AGAP2: variants seen among roughly 807,000 people sequenced by gnomAD.
The protein encoded by AGAP2 is arf-GAP with GTPase, ANK repeat and PH domain-containing protein 2.
A neutral mutation model predicts 110.9 loss-of-function variants in AGAP2; 32 were observed. The observed-to-expected ratio is 0.29, with a 90% CI of 0.22 to 0.39. The LOEUF (loss-of-function observed/expected upper bound fraction) is 0.39. AGAP2 is among the 10% of genes least tolerant of loss of function. AGAP2 has a pLI of 1.00. For missense variants in AGAP2, 1,285 were observed against 1,638.5 expected, an observed-to-expected ratio of 0.78 and a Z score of 3.72; for synonymous variants, 702 against 713.0, an observed-to-expected ratio of 0.98 and a Z score of 0.25.
rs1954803942 is a variant in AGAP2, at chr12:57,727,881, G to A, written c.2766+56C>T. ...TTCGGCCGTGTCGTTGCCAATGGCC[G>A]TCAGCACCAGGGTCAGTTCCTGCGG... On this transcript the variant is annotated intron_variant, in intron 15 of 18. Transcript: ENST00000547588. The A allele has an allele frequency of 3.7e-6, 6 of 1,608,048 alleles. No homozygotes were observed. In the South Asian group the frequency reaches 5.5e-5, roughly 15 times the overall value.
Position 57,737,070 on chromosome 12 carries a change from T to G in AGAP2, c.1168+9A>C. 1 of 1,508,862 alleles carries G rather than the reference T, an allele frequency of 6.6e-7. No homozygotes were observed. The allele number at this position is 1,508,862 out of a possible 1,614,324, so 93.5% of individuals were successfully genotyped here. ...TCCCTCCCTGTTCTCAAGCCCTGACTCAACTCACTAGGGGAAGCGCGGAGC... is the reference window on the plus strand; with the variant it reads ...TCCCTCCCTGTTCTCAAGCCCTGACGCAACTCACTAGGGGAAGCGCGGAGC... On this transcript the variant is annotated intron_variant, in intron 1 of 18. Coordinates refer to ENST00000547588, the MANE Select transcript of AGAP2 (RefSeq NM_001122772.3). This position sits in a 1 kb window ranked among gnomAD's most constrained non-coding sequence, Gnocchi z 5.9.
rs1954875202 is a variant in AGAP2 at position 57,730,994 on chromosome 12, T to C, written c.2146-41A>G. 1.2e-5 allele frequency: 17 copies of C among 1,470,702 alleles called. 1 individual carries two copies. The highest frequency in any genetic ancestry group is 3.6e-4 in the Middle Eastern group (2 of 5,624). The allele number at this position is 1,470,702 out of a possible 1,614,324, so 91.1% of individuals were successfully genotyped here. A position where few individuals can be genotyped will look rare whatever the true frequency, so the allele number is the denominator to read the frequency against. On this transcript the variant is annotated intron_variant, in intron 10 of 18. Transcript: ENST00000547588. ...GCCGAGAGTGTAGGGAAGGTTGGGG[T>C]CCTTGGTATGCTGGGAAGCAGTCAA...
chr12:57,730,791 C>T lies in AGAP2; in HGVS notation c.2308G>A (p.Glu770Lys), dbSNP rs1239507870. 1 of 1,613,912 alleles carries T rather than the reference C, an allele frequency of 6.2e-7. No individual in the cohort carries two copies. Among genetic ancestry groups the T allele is most frequent in the South Asian group, 1.1e-5 (1 of 91,080 alleles). Reference sequence around the variant, plus strand: ...CTCCTATGTCATAAACCTTACTCACCCAGGCCTTCACCCATCTGGACAGTG... The same window carrying T: ...CTCCTATGTCATAAACCTTACTCACTCAGGCCTTCACCCATCTGGACAGTG... ...MSTVQMGEGL[E>K]ATTPMPSPSP... The change falls in exon 11 of 19, where the codon GAA (glutamate) becomes AAA (lysine). Residue 770 changes from glutamate (E) to lysine (K), a missense_variant and splice_region_variant. Glu to Lys is a moderately conservative substitution (Grantham distance 56). This residue lies in a region of AGAP2 where 135 missense variants were observed against 182.0 expected (regional missense o/e 0.74). Transcript: ENST00000547588.
upstream of AGAP2, chr12:57,742,053 A>T (rs138334762): frequency 3.4e-4 from 548 of 1,614,072 alleles, 1 homozygote; most frequent in African/African-American, 6.6e-3. Flanking sequence ...GCTACAACGA[A>T]CTGCCTCTGG....
chr12:57,726,568 G>A lies in AGAP2; in HGVS notation c.3563C>T (p.Pro1188Leu), dbSNP rs1595079010. Residue 1188 changes from proline to leucine, a missense_variant, in exon 19 of 19, where the codon CCG becomes CTG. Physicochemically the swap from Pro to Leu is moderately conservative, Grantham distance 98. Around this residue, in one of 7 missense-constraint regions of AGAP2, gnomAD observed 201 missense variants for 276.1 expected, o/e 0.73. Transcript: ENST00000547588. This position sits in a 1 kb window ranked among gnomAD's most constrained non-coding sequence, Gnocchi z 5.7. ...SAASVGRADA[P>L]VALV The stretch of plus-strand genomic sequence containing the variant: ...GCTGGGCAACTATACCAGCGCAACC[G>A]GGGCGTCGGCGCGGCCCACGCTAGC... 3 of 1,209,816 alleles carry A rather than the reference G, an allele frequency of 2.5e-6. No individual in the cohort carries two copies. The highest frequency in any genetic ancestry group is 3.5e-5 in the East Asian group (1 of 28,832). 74.9% of individuals were successfully genotyped at this position (1,209,816 alleles called of 1,614,324 possible).
chr12:57,729,613 A>T, intron 13 of AGAP2, 26 bp downstream of exon 13: 1 of 1,603,414 alleles, frequency 6.2e-7, no homozygotes, highest in Non-Finnish European at 8.5e-7. Context: ...TCTGGGTGGG[A>T]GTGGAAGTGC....
chr12:57,734,290 A>T, intron 4 of AGAP2, 29 bp downstream of exon 4: 2 of 1,613,912 alleles, frequency 1.2e-6, no homozygotes, highest in Non-Finnish European at 1.7e-6. Flanking sequence ...GACCCCAGCC[A>T]GCCTGTCCCC....
intron 11 of AGAP2, 24 bp from the exon 12 acceptor site, chr12:57,730,638 A>C: frequency 1.2e-6 from 2 of 1,609,630 alleles, no homozygotes; most frequent in Non-Finnish European, 1.7e-6. Context: ...ATGAAACCTC[A>C]GTGAGCCTCT....
chr12:57,738,076 G>C lies in AGAP2; in HGVS notation c.171C>G (p.Gly57=). 1.3e-6 allele frequency: 2 copies of C among 1,524,344 alleles called. No homozygotes were observed. Among genetic ancestry groups the C allele is most frequent in the South Asian group, 2.4e-5 (2 of 83,526 alleles). The allele number at this position is 1,524,344 out of a possible 1,614,324, so 94.4% of individuals were successfully genotyped here. A position where few individuals can be genotyped will look rare whatever the true frequency, so the allele number is the denominator to read the frequency against. ...GCCGCTTCTTGCCCGGCTCCTCCGC[G>C]CCTCGGGGGCTGCCAGGATCCCCAG... ...SETGDPGSPR[G]AEEPGKKRHE... The change falls in exon 1 of 19, where the codon GGC becomes GGG. Residue 57 remains glycine (G), a synonymous_variant. Transcript: ENST00000547588. The surrounding 1 kb of genome is among the most constrained non-coding windows in gnomAD (Gnocchi z 6.7).
chr12:57,734,136 C>G lies in AGAP2; in HGVS notation c.1439G>C (p.Ser480Thr). The change falls in exon 5 of 19, where the codon AGC becomes ACC. Residue 480 changes from serine to threonine, a missense_variant. Physicochemically the swap from Ser to Thr is moderately conservative, Grantham distance 58 (BLOSUM62 1). Coordinates refer to ENST00000547588, the MANE Select transcript of AGAP2 (RefSeq NM_001122772.3). ...CTGGAAACTGTTCTCATCCTCCAGG[C>G]TGAAGACGAAGATCACAGCATCTGC... ...GWADAVIFVF[S>T]LEDENSFQAV... 5 of 1,613,086 alleles carry G rather than the reference C, an allele frequency of 3.1e-6. No individual in the cohort carries two copies. The highest frequency in any genetic ancestry group is 4.2e-6 in the Non-Finnish European group (5 of 1,179,398).
chr12:57,731,475 AG>A lies in AGAP2; in HGVS notation c.2041-6del, dbSNP rs1954883038. 1.9e-6 allele frequency: 3 copies of A among 1,614,072 alleles called. No homozygotes were observed. Among genetic ancestry groups the A allele is most frequent in the Non-Finnish European group, 2.5e-6 (3 of 1,179,970 alleles). ...ACTTCGTTTTAGTAGGAAGCTCTGG[AG>A]AAAGGGGAAAGACACATGTGGGAAA... On this transcript the variant is annotated splice_region_variant and splice_polypyrimidine_tract_variant and intron_variant, in intron 9 of 18. Transcript: ENST00000547588.
chr12:57,730,665 C>T (rs2140357904), intron 11 of AGAP2, 51 bp from the exon 12 acceptor site: 2 of 1,606,236 alleles, frequency 1.2e-6, no homozygotes, highest in Non-Finnish European at 1.7e-6. Flanking sequence ...TGGCCCCATT[C>T]CTTATGTGGT....
chr12:57,734,506 CT>C (rs1162310341), intron 3 of AGAP2, 85 bp downstream of exon 3: 23 of 1,587,278 alleles, frequency 1.4e-5, no homozygotes, highest in South Asian at 8.8e-5. Context: ...TCCTTCCCCC[CT>C]GGTCTCCACA....
Position 57,732,849 on chromosome 12 carries a change from C to T in AGAP2, c.1680G>A (p.Gln560=). The T allele has an allele frequency of 4.3e-6, 7 of 1,613,950 alleles. No individual in the cohort carries two copies. The highest frequency in any genetic ancestry group is 5.1e-6 in the Non-Finnish European group (6 of 1,179,990). The change falls in exon 6 of 19, where the codon CAG becomes CAA. Residue 560 remains glutamine, a synonymous_variant. Coordinates refer to ENST00000547588, the MANE Select transcript of AGAP2 (RefSeq NM_001122772.3). ...GCTGGAGATCACTACACTCACCCTC[C>T]TGGAAGACCCGATCCACATTGAGCC... is the stretch of plus-strand genomic sequence containing the variant. ...TYGLNVDRVF[Q]EVAQKVVTLR... is the part of the protein sequence containing the mutation.
At position 57,737,843 on chromosome 12, in the gene AGAP2, C is replaced by T; in HGVS notation, c.404G>A (p.Gly135Asp). 2 of 1,469,580 alleles carry T rather than the reference C, an allele frequency of 1.4e-6. No homozygotes were observed. The highest frequency in any genetic ancestry group is 1.4e-5 in the South Asian group (1 of 73,760). 91.0% of individuals were successfully genotyped at this position (1,469,580 alleles called of 1,614,324 possible). Residue 135 changes from glycine to aspartate, a missense_variant, in exon 1 of 19, where the codon GGC (glycine) becomes GAC (aspartate). Gly to Asp is a moderately conservative substitution (Grantham distance 94, BLOSUM62 -1). Coordinates refer to ENST00000547588, the MANE Select transcript of AGAP2 (RefSeq NM_001122772.3). This position sits in a 1 kb window ranked among gnomAD's most constrained non-coding sequence, Gnocchi z 5.9. ...GGGGCGCCGGGAGGAGGTGGGGGCG[C>T]CCCCAGGCTTGGGGTCGGGGCTCAG... is the stretch of plus-strand genomic sequence containing the variant. ...GGLSPDPKPG[G>D]APTSSRRPLL...
intron 1 of AGAP2, among the ~76,000 whole-genome samples, chr12:57,735,816 C>A (rs796700931): frequency 6.6e-6 from 1 of 152,300 alleles, no homozygotes; most frequent in African/African-American, 2.4e-5. Flanking sequence ...CCAGGGCAGA[C>A]CCTGGGAGGA....
Position 57,731,844 on chromosome 12 carries a change from G to T in AGAP2, c.1918C>A (p.His640Asn). 6.3e-7 allele frequency: 1 copy of T among 1,597,724 alleles called. No homozygotes were observed. Among genetic ancestry groups the T allele is most frequent in the Non-Finnish European group, 8.5e-7 (1 of 1,172,448 alleles). ...CTGGTCCTGCGCTTGGCTGCCCGGT[G>T]CAGGGACCCTGGGGTGCTCAATCCA... ...VAGLSTPGSLHRAAKRRTSLF... is the reference protein window; with the variant it reads ...VAGLSTPGSLNRAAKRRTSLF... Residue 640 changes from histidine (H) to asparagine (N), a missense_variant, in exon 8 of 19, where the codon CAC becomes AAC. His to Asn is a moderately conservative substitution (Grantham distance 68). Coordinates refer to ENST00000547588, the MANE Select transcript of AGAP2 (RefSeq NM_001122772.3).
At position 57,733,553 on chromosome 12, in the gene AGAP2, G is replaced by A. The variant is rs536369853; in HGVS notation, c.1549+473C>T. Among the ~76,000 whole-genome samples the A allele has an allele frequency of 7.9e-5, 12 of 152,304 alleles. No homozygotes were observed. The South Asian group carries it at 2.5e-3, about 32-fold the overall frequency. ...GGGAGCCTCTGAGTCACTTCTCTGA[G>A]AACTAAAAGGTTTTCTGCTCTCTTC... On this transcript the variant is annotated intron_variant, in intron 5 of 18. Coordinates refer to ENST00000547588, the MANE Select transcript of AGAP2 (RefSeq NM_001122772.3).
At chr12:57,735,462 C>A (rs1414366068) in intron 1 of AGAP2, 35 bp from the exon 2 acceptor site, 4 of 1,605,168 alleles carry the variant, frequency 2.5e-6, no homozygotes, top group Non-Finnish European at 3.4e-6. Context: ...AGGGGAGGCT[C>A]CTGGCTCAGA....
Sources: allele counts gnomAD v4.1 joint callset (sites outside exome capture counted in the v4.1 genomes callset), GRCh38; gene constraint gnomAD v4.1.1; regional missense constraint gnomAD v4.1.1; non-coding constraint Gnocchi (gnomAD v3.1); transcripts MANE v1.5; gene names NCBI Gene and HGNC (gene_info 2026-07-23, HGNC 2026-07-21).